Variants in SYT16 observed in about 807,000 individuals in gnomAD.
SYT16 encodes synaptotagmin-16.
In SYT16, 42 loss-of-function variants were observed where a neutral mutation model predicts 61.4. That is an observed-to-expected ratio of 0.68 (90% CI 0.53 to 0.89). The LOEUF (loss-of-function observed/expected upper bound fraction) is 0.89, where lower values mean the gene tolerates loss of function less well. SYT16 is among the 40% of genes least tolerant of loss of function. The pLI is 0.00. For missense variants in SYT16, 804 were observed against 807.3 expected (o/e 1.00, Z 0.05); for synonymous variants, 314 against 302.3 (o/e 1.04, Z -0.40).
At chr14:61,984,464 C>G (rs2052218521) in intron 2 of SYT16, among the ~76,000 whole-genome samples, 1 of 152,092 alleles carries the variant, frequency 6.6e-6, no homozygotes, top group South Asian at 2.1e-4. Flanking sequence ...ATTAGCTGCT[C>G]TATTGCAGGA....
intron 1 of SYT16, among the ~76,000 whole-genome samples, chr14:61,861,227 A>G (rs557053881): frequency 3.2e-4 from 49 of 152,288 alleles, no homozygotes; most frequent in African/African-American, 9.6e-4. Context: ...TTGTCATTCT[A>G]TTTCTTTATG....
intron 1 of SYT16, among the ~76,000 whole-genome samples, chr14:61,837,524 C>G (rs929265046): frequency 7.9e-5 from 12 of 152,202 alleles, no homozygotes; most frequent in Non-Finnish European, 1.8e-4. Flanking sequence ...CAGGCGTGAG[C>G]TGCCGTGCAG....
rs138352539 is a variant in SYT16 at position 62,056,145 on chromosome 14, A to G, written c.524-13458A>G. Among the ~76,000 whole-genome samples, 234 of 152,264 alleles carry G rather than the reference A, an allele frequency of 1.5e-3. 3 individuals carry two copies. In the South Asian group the frequency reaches 0.016, roughly 10 times the overall value. ...TGATTATCAGTGGTAACAATGATCA[A>G]CGTAAAATAGATGTGACAGGAACAT... is the stretch of plus-strand genomic sequence containing the variant. On this transcript the variant is annotated intron_variant, in intron 3 of 7. Transcript: ENST00000683842.
At chr14:62,021,160 G>A (rs1234369583) in intron 3 of SYT16, among the ~76,000 whole-genome samples, 1 of 152,082 alleles carries the variant, frequency 6.6e-6, no homozygotes, top group African/African-American at 2.4e-5. Context: ...CATTTTGAGG[G>A]GATGATTATT....
intron 1 of SYT16, among the ~76,000 whole-genome samples, chr14:61,938,902 A>G (rs2050095627): frequency 6.6e-6 from 1 of 152,224 alleles, no homozygotes; most frequent in Non-Finnish European, 1.5e-5. Flanking sequence ...TGGGAGGCCA[A>G]GGCGGGCGGA....
chr14:61,963,181 G>A (rs549161123), intron 1 of SYT16, among the ~76,000 whole-genome samples: 6 of 152,100 alleles, frequency 3.9e-5, no homozygotes, highest in African/African-American at 1.2e-4. Context: ...CCCTCCAATG[G>A]CCTCTGAGTA....
chr14:61,968,606 A>G (rs1244614070), intron 1 of SYT16, among the ~76,000 whole-genome samples: 1 of 152,204 alleles, frequency 6.6e-6, no homozygotes, highest in Non-Finnish European at 1.5e-5. Flanking sequence ...ACTCCTACTT[A>G]AGGACTCTGT....
intron 2 of SYT16, among the ~76,000 whole-genome samples, chr14:61,989,156 G>A (rs188059607): frequency 1.1e-4 from 17 of 152,038 alleles, no homozygotes; most frequent in Admixed American, 6.6e-4. Context: ...CATTTTTTCC[G>A]TGGTATTAGC....
chr14:61,984,285 A>G (rs1470348546), intron 2 of SYT16, among the ~76,000 whole-genome samples: 3 of 152,172 alleles, frequency 2.0e-5, no homozygotes, highest in Non-Finnish European at 4.4e-5. Context: ...TTTGTGGTTG[A>G]AGACCTAACT....
intron 1 of SYT16, among the ~76,000 whole-genome samples, chr14:61,899,210 C>T (rs1018348376): frequency 6.7e-6 from 1 of 149,688 alleles, no homozygotes; most frequent in African/African-American, 2.5e-5. Flanking sequence ...CTTTAGGTAA[C>T]CTAGTCAGAA....
chr14:61,957,457 C>T (rs1033142860), intron 1 of SYT16, among the ~76,000 whole-genome samples: 2 of 151,668 alleles, frequency 1.3e-5, no homozygotes, highest in Non-Finnish European at 3.0e-5. Context: ...AATAAGTGGC[C>T]CTGATTTTGT....
chr14:62,057,313 A>G (rs771330831), intron 3 of SYT16, among the ~76,000 whole-genome samples: 1 of 152,216 alleles, frequency 6.6e-6, no homozygotes, highest in African/African-American at 2.4e-5. Flanking sequence ...ATAGGCATAA[A>G]TATAGTGGGC....
intron 6 of SYT16, 75 bp downstream of exon 6, chr14:62,081,349 C>T (rs752322122): frequency 2.6e-5 from 38 of 1,435,700 alleles, no homozygotes; most frequent in Non-Finnish European, 3.1e-5. Flanking sequence ...TGATTTAGTA[C>T]GTTCAGTCTG....
intron 1 of SYT16, among the ~76,000 whole-genome samples, chr14:61,838,607 T>C (rs1048562232): frequency 6.6e-6 from 1 of 152,232 alleles, no homozygotes; most frequent in Non-Finnish European, 1.5e-5. Flanking sequence ...TTCCTGTCCT[T>C]TCCCTTTTGG....
chr14:61,966,007 C>T (rs1453712720), intron 1 of SYT16, among the ~76,000 whole-genome samples: 1 of 151,598 alleles, frequency 6.6e-6, no homozygotes, highest in Non-Finnish European at 1.5e-5. Context: ...TGCATCATCA[C>T]ACTTATTTAT....
intron 3 of SYT16, among the ~76,000 whole-genome samples, chr14:62,032,329 TG>T (rs2054338179): frequency 6.6e-6 from 1 of 152,172 alleles, no homozygotes; most frequent in Non-Finnish European, 1.5e-5. Context: ...TTAGTCTTTG[TG>T]GCTTTTAATT....
chr14:62,018,511 TGGCCA>T (rs1325622673), intron 3 of SYT16, among the ~76,000 whole-genome samples: 1 of 152,016 alleles, frequency 6.6e-6, no homozygotes, highest in African/African-American at 2.4e-5. Context: ...TTCACCATGT[TGGCCA>T]GGCTGGTCTC....
intron 1 of SYT16, among the ~76,000 whole-genome samples, chr14:61,819,101 T>C (rs1427394217): frequency 1.3e-5 from 2 of 152,234 alleles, no homozygotes; most frequent in African/African-American, 4.8e-5. Flanking sequence ...TTGACCAACC[T>C]GAGTTTCTAA....
intron 6 of SYT16, among the ~76,000 whole-genome samples, chr14:62,081,597 A>T (rs2056710408): frequency 6.6e-6 from 1 of 152,224 alleles, no homozygotes; most frequent in Admixed American, 6.5e-5. Context: ...TCCTGCCCCC[A>T]ATCTGCATCA....
Sources: allele counts gnomAD v4.1 joint callset (sites outside exome capture counted in the v4.1 genomes callset), GRCh38; gene constraint gnomAD v4.1.1; transcripts MANE v1.5; gene names NCBI Gene and HGNC (gene_info 2026-07-23, HGNC 2026-07-21).